Variants in GALNT11 observed in about 807,000 individuals in gnomAD.
GALNT11 encodes the protein UDP-GalNAc:polypeptide N-acetylgalactosaminyltransferase 11.
A neutral mutation model predicts 72.7 loss-of-function variants in GALNT11; 47 were observed. That is an observed-to-expected ratio of 0.65 (90% CI 0.51 to 0.82). GALNT11 has a LOEUF of 0.82. Ranked by LOEUF, GALNT11 falls within the 40% of genes least tolerant of loss-of-function variation. The pLI, the probability that GALNT11 is intolerant of heterozygous loss-of-function variation, is 0.00. For missense variants in GALNT11, 677 were observed against 778.4 expected (o/e 0.87, Z 1.55); for synonymous variants, 270 against 286.6 (o/e 0.94, Z 0.58).
At chr7:152,121,035 C>A in intron 11 of GALNT11, 67 bp downstream of exon 11, 1 of 1,547,094 alleles carries the variant, frequency 6.5e-7, no homozygotes, top group South Asian at 1.2e-5. Context: ...GGGAGTGTGG[C>A]AGATGAACTC....
At chr7:152,110,437 T>C in intron 6 of GALNT11, 91 bp from the exon 7 acceptor site, 1 of 866,940 alleles carries the variant, frequency 1.2e-6, no homozygotes. Context: ...TTATTAGTTA[T>C]GTTCCAAAAT....
At chr7:152,078,775 T>C (rs1386677921) in intron 1 of GALNT11, among the ~76,000 whole-genome samples, 2 of 152,230 alleles carry the variant, frequency 1.3e-5, no homozygotes, top group African/African-American at 4.8e-5. Context: ...AAATAATTTA[T>C]GTGCTAGAGT....
chr7:152,037,989 C>T (rs1289609577), intron 1 of GALNT11, among the ~76,000 whole-genome samples: 1 of 152,096 alleles, frequency 6.6e-6, no homozygotes, highest in Non-Finnish European at 1.5e-5. Flanking sequence ...AGGCTGGTCT[C>T]GAACTCCTGA....
intron 1 of GALNT11, among the ~76,000 whole-genome samples, chr7:152,047,737 A>C (rs947926058): frequency 1.3e-5 from 2 of 151,456 alleles, no homozygotes; most frequent in African/African-American, 4.9e-5. Context: ...TGTATACTCT[A>C]TATATAAATA....
intron 1 of GALNT11, among the ~76,000 whole-genome samples, chr7:152,085,588 T>C (rs1467487810): frequency 6.6e-6 from 1 of 151,480 alleles, no homozygotes; most frequent in Non-Finnish European, 1.5e-5. Context: ...CATCATTCAT[T>C]ATTAGTGTAG....
intron 4 of GALNT11, 156 bp downstream of exon 4, chr7:152,103,434 C>T: frequency 1.4e-6 from 1 of 694,010 alleles, no homozygotes; most frequent in Non-Finnish European, 2.2e-6. Flanking sequence ...TGAAGAAATC[C>T]ATTATCTTTG....
intron 1 of GALNT11, among the ~76,000 whole-genome samples, chr7:152,052,365 C>A (rs142104368): frequency 0.018 from 2,698 of 151,966 alleles, 38 homozygotes; most frequent in Non-Finnish European, 0.026. Flanking sequence ...ATACTATATA[C>A]TCAAAAGTAT....
rs565998368 is a variant in GALNT11, at chr7:152,107,937, C to T, written c.713-101C>T. 4.5e-5 allele frequency: 62 copies of T among 1,385,736 alleles called. 1 individual carries two copies. The South Asian group carries it at 6.2e-4, about 14-fold the overall frequency. The allele number at this position is 1,385,736 out of a possible 1,614,324, so 85.8% of individuals were successfully genotyped here. On this transcript the variant is annotated intron_variant, in intron 5 of 11. Transcript: ENST00000430044. ...CGTCTGGGGCTGGGAGGGTGGCAGT[C>T]GTGTTTCATGCTGTGTCAGCGCGTC...
At chr7:152,037,807 C>T (rs908681978) in intron 1 of GALNT11, among the ~76,000 whole-genome samples, 2 of 151,676 alleles carry the variant, frequency 1.3e-5, no homozygotes, top group African/African-American at 2.4e-5. Flanking sequence ...CTTGCTTTGT[C>T]ACCCAGGTTG....
intron 1 of GALNT11, among the ~76,000 whole-genome samples, chr7:152,048,566 G>A (rs1478116721): frequency 1.3e-5 from 2 of 149,826 alleles, no homozygotes; most frequent in Non-Finnish European, 3.0e-5. Context: ...GTCTCACTTT[G>A]TCACCCAGGC....
chr7:152,096,268 G>T (rs929039395), intron 2 of GALNT11, among the ~76,000 whole-genome samples: 1 of 152,134 alleles, frequency 6.6e-6, no homozygotes, highest in African/African-American at 2.4e-5. Context: ...GAGGGAAAAG[G>T]TTATCCTAAA....
rs140945025 is a variant in GALNT11, at chr7:152,094,281, G to A, written c.54G>A (p.Ala18=). 7.3e-5 allele frequency: 118 copies of A among 1,613,764 alleles called. 2 individuals carry two copies. In the East Asian group the frequency reaches 2.5e-3, roughly 34 times the overall value. The change falls in exon 2 of 12, where the codon GCG becomes GCA. Residue 18 remains alanine (A), a synonymous_variant. Coordinates refer to ENST00000430044, the MANE Select transcript of GALNT11 (RefSeq NM_022087.4). This position sits in a 1 kb window ranked among gnomAD's most constrained non-coding sequence, Gnocchi z 4.3. The part of the protein sequence containing the change: ...YFCYGCLFTS[A]TWTVLLFVYF... ...GTTATGGGTGCCTTTTTACATCTGC[G>A]ACCTGGACAGTTTTGCTTTTTGTTT...
At chr7:152,059,261 TTTTTTTTTGTA>T (rs1452522047) in intron 1 of GALNT11, among the ~76,000 whole-genome samples, 6 of 150,614 alleles carry the variant, frequency 4.0e-5, no homozygotes, top group African/African-American at 1.5e-4. Context: ...ATGCCCAACT[TTTTTTTTTGTA>T]TTTTTTTTTT....
At chr7:152,073,332 A>G (rs2084773532) in intron 1 of GALNT11, among the ~76,000 whole-genome samples, 3 of 152,084 alleles carry the variant, frequency 2.0e-5, no homozygotes. Flanking sequence ...AGCCTCTAGT[A>G]TCCTCTGTTC....
At chr7:152,115,033 A>T (rs1174882560) in intron 8 of GALNT11, among the ~76,000 whole-genome samples, 2 of 151,720 alleles carry the variant, frequency 1.3e-5, no homozygotes, top group Non-Finnish European at 2.9e-5. Context: ...GGCAGTAGGG[A>T]CTCCACAGTG....
intron 1 of GALNT11, among the ~76,000 whole-genome samples, chr7:152,059,806 A>G (rs573733956): frequency 6.6e-6 from 1 of 152,288 alleles, no homozygotes; most frequent in African/African-American, 2.4e-5. Context: ...GGCAGAGTAG[A>G]TTTTGCATAA....
At chr7:152,083,745 A>G (rs572105073) in intron 1 of GALNT11, among the ~76,000 whole-genome samples, 2 of 152,312 alleles carry the variant, frequency 1.3e-5, no homozygotes, top group African/African-American at 2.4e-5. Context: ...TATATTTAAC[A>G]TGATTGTGTA....
intron 1 of GALNT11, among the ~76,000 whole-genome samples, chr7:152,067,583 T>C (rs967946488): frequency 2.6e-5 from 4 of 152,168 alleles, no homozygotes; most frequent in African/African-American, 9.7e-5. Context: ...CCCGACATTG[T>C]AGTTTTTGTT....
At chr7:152,057,907 C>G (rs1383773443) in intron 1 of GALNT11, among the ~76,000 whole-genome samples, 2 of 152,198 alleles carry the variant, frequency 1.3e-5, no homozygotes, top group African/African-American at 4.8e-5. Context: ...GGATACCACA[C>G]TGTATTTGGT....
Sources: gnomAD v4.1 joint callset for allele counts (sites outside exome capture counted in the v4.1 genomes callset) on GRCh38, gnomAD v4.1.1 for gene constraint, Gnocchi (gnomAD v3.1) non-coding constraint, MANE v1.5 for transcripts, NCBI Gene and HGNC (gene_info 2026-07-23, HGNC 2026-07-21) for gene names.